The following SCHIP1 variants were observed in gnomAD, a reference collection of about 807,000 sequenced individuals.
The protein encoded by SCHIP1 is schwannomin-interacting protein 1.
In SCHIP1, 8 loss-of-function variants were observed where a neutral mutation model predicts 29.7. The observed-to-expected ratio is 0.27, with a 90% CI of 0.16 to 0.49. The LOEUF (loss-of-function observed/expected upper bound fraction) is 0.49. SCHIP1 is among the 20% of genes least tolerant of loss of function. The probability of loss-of-function intolerance (pLI) is 0.99; values close to 1 mark genes in which losing one functional copy is unlikely to be tolerated. For missense variants in SCHIP1, 193 were observed against 294.6 expected (o/e 0.66, Z 2.52); for synonymous variants, 76 against 94.9 (o/e 0.80, Z 1.16).
the SCHIP1 span, among the ~76,000 whole-genome samples, chr3:159,480,049 C>G: frequency 1.3e-5 from 2 of 152,088 alleles, no homozygotes; most frequent in Non-Finnish European, 2.9e-5. Context: ...ACTCTGAAGC[C>G]CACCAGCCTT....
At chr3:159,425,726 C>G in the SCHIP1 span, among the ~76,000 whole-genome samples, 1 of 152,210 alleles carries the variant, frequency 6.6e-6, no homozygotes, top group Non-Finnish European at 1.5e-5. Flanking sequence ...CACCCCATAT[C>G]AATAGAATAT....
chr3:159,397,867 C>T, the SCHIP1 span, among the ~76,000 whole-genome samples: 2 of 152,362 alleles, frequency 1.3e-5, no homozygotes, highest in South Asian at 4.1e-4. Flanking sequence ...TTCGAGCTTC[C>T]TGACTGCTTT....
chr3:159,344,286 A>G, the SCHIP1 span, among the ~76,000 whole-genome samples: 1 of 147,488 alleles, frequency 6.8e-6, no homozygotes, highest in Admixed American at 7.0e-5. Context: ...GTGATATTGC[A>G]CTCCAGCCAG....
the SCHIP1 span, among the ~76,000 whole-genome samples, chr3:159,468,102 TA>T: frequency 6.6e-6 from 1 of 152,164 alleles, no homozygotes; most frequent in African/African-American, 2.4e-5. Context: ...AAGTCTATAT[TA>T]TTTTCTTGAT....
the SCHIP1 span, among the ~76,000 whole-genome samples, chr3:159,558,861 A>T: frequency 6.6e-6 from 1 of 151,966 alleles, no homozygotes; most frequent in Non-Finnish European, 1.5e-5. Context: ...AGCAGAAACT[A>T]CCCCATTCCT....
At chr3:159,358,303 T>C in the SCHIP1 span, among the ~76,000 whole-genome samples, 1 of 152,062 alleles carries the variant, frequency 6.6e-6, no homozygotes, top group Non-Finnish European at 1.5e-5. Context: ...GGGGCTCTCA[T>C]AAAGGTAGAC....
chr3:159,365,954 A>G, the SCHIP1 span, among the ~76,000 whole-genome samples: 1 of 152,158 alleles, frequency 6.6e-6, no homozygotes, highest in South Asian at 2.1e-4. Flanking sequence ...ATATTAATGA[A>G]AATCAGTTGT....
chr3:159,710,251 A>C, the SCHIP1 span, among the ~76,000 whole-genome samples: 1 of 152,168 alleles, frequency 6.6e-6, no homozygotes, highest in Non-Finnish European at 1.5e-5. Flanking sequence ...ATGAAATAAC[A>C]TGCAGCCTTA....
At chr3:159,760,299 C>T in the SCHIP1 span, among the ~76,000 whole-genome samples, 19,190 of 152,172 alleles carry the variant, frequency 0.13, 1,980 homozygotes, top group African/African-American at 0.29. Context: ...CCCAAGGAGC[C>T]TCTGCAGGGC....
chr3:159,274,103 A>G, the SCHIP1 span: 3 of 985,300 alleles, frequency 3.0e-6, no homozygotes, highest in Non-Finnish European at 3.6e-6. Flanking sequence ...GGTGCTTTGA[A>G]TTTTGAGAAT....
chr3:159,693,479 A>C, the SCHIP1 span, among the ~76,000 whole-genome samples: 1 of 152,198 alleles, frequency 6.6e-6, no homozygotes, highest in African/African-American at 2.4e-5. Context: ...GATTAATTGG[A>C]TCCTGATCCA....
At chr3:159,439,093 T>G in the SCHIP1 span, among the ~76,000 whole-genome samples, 2 of 152,140 alleles carry the variant, frequency 1.3e-5, no homozygotes, top group Non-Finnish European at 1.5e-5. Context: ...TTGAACTAAT[T>G]TACACTCCCA....
the SCHIP1 span, among the ~76,000 whole-genome samples, chr3:159,373,512 G>GTCTA: frequency 1.3e-5 from 2 of 151,948 alleles, no homozygotes; most frequent in African/African-American, 4.8e-5. Flanking sequence ...CAAGCTCTGA[G>GTCTA]TCTATCTCCA....
chr3:159,665,143 C>T, the SCHIP1 span, among the ~76,000 whole-genome samples: 1 of 152,154 alleles, frequency 6.6e-6, no homozygotes, highest in Non-Finnish European at 1.5e-5. Flanking sequence ...TCTGAAAGTT[C>T]ACTAGATAAT....
the SCHIP1 span, among the ~76,000 whole-genome samples, chr3:159,742,834 A>ATTTTTTTTTTTTT: frequency 6.7e-4 from 74 of 110,816 alleles, no homozygotes; most frequent in South Asian, 8.8e-4. Flanking sequence ...CGCCTAGCTA[A>ATTTTTTTTTTTTT]TTTTTTTTTT....
At chr3:159,477,731 C>T in the SCHIP1 span, among the ~76,000 whole-genome samples, 1 of 151,970 alleles carries the variant, frequency 6.6e-6, no homozygotes, top group Non-Finnish European at 1.5e-5. Context: ...ATGGGTTGTC[C>T]CTCACTTTGT....
chr3:159,880,756 G>A (rs1716356986), intron 2 of SCHIP1, among the ~76,000 whole-genome samples: 1 of 152,310 alleles, frequency 6.6e-6, no homozygotes, highest in East Asian at 1.9e-4. Context: ...ATGAATGAAT[G>A]TGTGCATGAA....
At chr3:159,506,579 C>A in the SCHIP1 span, among the ~76,000 whole-genome samples, 1 of 152,180 alleles carries the variant, frequency 6.6e-6, no homozygotes, top group Non-Finnish European at 1.5e-5. Context: ...AGGTTTTCTC[C>A]TAAGGTTTTT....
the SCHIP1 span, among the ~76,000 whole-genome samples, chr3:159,752,365 A>G: frequency 6.6e-6 from 1 of 152,134 alleles, no homozygotes; most frequent in Non-Finnish European, 1.5e-5. Context: ...ATAACCATTT[A>G]ATTTTTTTAA....
Sources: allele counts gnomAD v4.1 joint callset (sites outside exome capture counted in the v4.1 genomes callset), GRCh38; gene constraint gnomAD v4.1.1; transcripts MANE v1.5; gene names NCBI Gene and HGNC (gene_info 2026-07-23, HGNC 2026-07-21).